SPATA17: variants seen among roughly 807,000 people sequenced by gnomAD.
The protein encoded by SPATA17 is spermatogenesis associated 17.
Under a neutral mutation model 62.2 loss-of-function variants are expected in SPATA17, and 53 were observed. The observed-to-expected ratio is 0.85, with a 90% confidence interval of 0.68 to 1.07. The LOEUF is 1.07. Ranked by LOEUF, SPATA17 falls within the 50% of genes least tolerant of loss-of-function variation. The pLI is 0.00. For synonymous variants in SPATA17, 146 were observed against 146.8 expected (o/e 0.99, Z 0.04); for missense variants, 466 against 425.5 (o/e 1.10, Z -0.84).
intron 9 of SPATA17, among the ~76,000 whole-genome samples, chr1:217,803,411 G>A (rs150930711): frequency 0.017 from 2,598 of 152,216 alleles, 42 homozygotes; most frequent in Non-Finnish European, 0.026. Flanking sequence ...ATGCAATAAT[G>A]TTTCAGCATA....
At chr1:217,779,758 A>C (rs1272015530) in intron 7 of SPATA17, among the ~76,000 whole-genome samples, 1 of 152,090 alleles carries the variant, frequency 6.6e-6, no homozygotes, top group Admixed American at 6.6e-5. Context: ...ATTTAAGATT[A>C]TGCCCAAATG....
intron 9 of SPATA17, among the ~76,000 whole-genome samples, chr1:217,848,417 G>C (rs1303282645): frequency 6.6e-6 from 1 of 152,024 alleles, no homozygotes. Context: ...TCTTGAGTAA[G>C]CAAATATTCA....
intron 9 of SPATA17, among the ~76,000 whole-genome samples, chr1:217,839,653 G>T (rs538950902): frequency 6.6e-6 from 1 of 151,510 alleles, no homozygotes; most frequent in Non-Finnish European, 1.5e-5. Flanking sequence ...AATAAAATTT[G>T]ATACACTGTT....
At chr1:217,851,960 G>T (rs528212416) in intron 9 of SPATA17, among the ~76,000 whole-genome samples, 1 of 152,186 alleles carries the variant, frequency 6.6e-6, no homozygotes, top group South Asian at 2.1e-4. Flanking sequence ...TTTTCAGGAG[G>T]TAATTAGAAA....
rs1325189182 is a variant in SPATA17 at position 217,712,073 on chromosome 1, A to T, written c.395+28712A>T. 2.0e-5 allele frequency among the ~76,000 whole-genome samples: 3 copies of T among 149,430 alleles called. No individual in the cohort carries two copies. In the East Asian group the frequency reaches 5.8e-4, roughly 29 times the overall value. On this transcript the variant is annotated intron_variant, in intron 5 of 10. Coordinates refer to ENST00000366933, the MANE Select transcript of SPATA17 (RefSeq NM_138796.4). Reference sequence around the variant, plus strand: ...TCTCAGAATTATTAATTTTATGGGCATTTTACATTCAGTGTACTGAGCAGT... The same window carrying T: ...TCTCAGAATTATTAATTTTATGGGCTTTTTACATTCAGTGTACTGAGCAGT...
chr1:217,816,010 A>G (rs1674705151), intron 9 of SPATA17, among the ~76,000 whole-genome samples: 1 of 152,118 alleles, frequency 6.6e-6, no homozygotes, highest in African/African-American at 2.4e-5. Context: ...ACAAAAAAGT[A>G]CCTTATTCCA....
chr1:217,852,410 A>G (rs968194499), intron 9 of SPATA17, among the ~76,000 whole-genome samples: 7 of 152,214 alleles, frequency 4.6e-5, no homozygotes, highest in African/African-American at 1.7e-4. Flanking sequence ...TGGGCTAGGT[A>G]TCATTCACTG....
intron 8 of SPATA17, among the ~76,000 whole-genome samples, chr1:217,784,286 T>C (rs1357878803): frequency 1.3e-5 from 2 of 152,246 alleles, no homozygotes; most frequent in East Asian, 3.9e-4. Context: ...AAACCAACTT[T>C]ACCTATAAGG....
intron 9 of SPATA17, among the ~76,000 whole-genome samples, chr1:217,811,266 C>T (rs1015860598): frequency 4.0e-5 from 6 of 151,896 alleles, no homozygotes; most frequent in Admixed American, 2.0e-4. Flanking sequence ...ACTCCTGGCT[C>T]GAACTCAAGC....
intron 5 of SPATA17, among the ~76,000 whole-genome samples, chr1:217,735,867 C>T (rs1170811343): frequency 6.6e-6 from 1 of 151,652 alleles, no homozygotes; most frequent in East Asian, 1.9e-4. Context: ...GTGAACAAAG[C>T]ATTTAATGAG....
intron 4 of SPATA17, among the ~76,000 whole-genome samples, chr1:217,672,272 A>T (rs111342300): frequency 0.011 from 1,724 of 152,332 alleles, 26 homozygotes; most frequent in African/African-American, 0.033. Context: ...CTACCTGGTA[A>T]CTTAGTTCAA....
intron 9 of SPATA17, among the ~76,000 whole-genome samples, chr1:217,814,919 C>T (rs1180125757): frequency 6.6e-6 from 1 of 152,112 alleles, no homozygotes. Context: ...TGCATTGTTA[C>T]TCATCTAGAA....
At position 217,870,639 on chromosome 1, in the gene SPATA17, T is replaced by G. The variant is rs1571852693; in HGVS notation, c.*3620T>G. 1 of 152,312 alleles carries G rather than the reference T, an allele frequency of 6.6e-6. No individual in the cohort carries two copies. The highest frequency in any genetic ancestry group is 2.1e-4 in the South Asian group (1 of 4,828). The allele number at this position is 152,312 out of a possible 1,614,324, so 9.4% of individuals were successfully genotyped here. ...CAAAGCTGGTAATTCCTTGATCTTA[T>G]TCTCCAAACTTGATTCTGAATGACT... On this transcript the variant is annotated 3_prime_UTR_variant, in exon 11 of 11. Transcript: ENST00000366933.
chr1:217,803,778 G>A lies in SPATA17; in HGVS notation c.1005+1928G>A, dbSNP rs1674369398. ...CATGCCTGTAATCCCAGCACTTTGG[G>A]AGGCCAAGGTGGGCAGATCACTTGA... is the stretch of plus-strand genomic sequence containing the variant. On this transcript the variant is annotated intron_variant, in intron 9 of 10. Transcript: ENST00000366933. Among the ~76,000 whole-genome samples, 3 of 152,282 alleles carry A rather than the reference G, an allele frequency of 2.0e-5. No homozygotes were observed. In the South Asian group the frequency reaches 6.2e-4, roughly 32 times the overall value.
rs1378323043 is a variant in SPATA17, at chr1:217,735,947, TTAATA to T, written c.396-6025_396-6021del. On this transcript the variant is annotated intron_variant, in intron 5 of 10. Transcript: ENST00000366933. ...TGTTACATAACATACATATTATATA[TTAATA>T]TATTTATTAGGATTATGAGTTTAGA... Among the ~76,000 whole-genome samples, 6 of 151,552 alleles carry T rather than the reference TTAATA, an allele frequency of 4.0e-5. No homozygotes were observed. In the East Asian group the frequency reaches 1.2e-3, roughly 29 times the overall value.
chr1:217,682,104 A>T (rs1457261270), intron 4 of SPATA17, among the ~76,000 whole-genome samples: 1 of 152,180 alleles, frequency 6.6e-6, no homozygotes, highest in African/African-American at 2.4e-5. Flanking sequence ...ACGCAAGACT[A>T]AGTTAGTATT....
At chr1:217,842,991 G>A (rs917760697) in intron 9 of SPATA17, among the ~76,000 whole-genome samples, 1 of 151,416 alleles carries the variant, frequency 6.6e-6, no homozygotes, top group Non-Finnish European at 1.5e-5. Flanking sequence ...TTGTTTAGAA[G>A]TATATTACTG....
At chr1:217,717,661 A>G (rs1672038385) in intron 5 of SPATA17, among the ~76,000 whole-genome samples, 1 of 151,978 alleles carries the variant, frequency 6.6e-6, no homozygotes, top group African/African-American at 2.4e-5. Flanking sequence ...TTTTTTTTAC[A>G]AATCCCATCT....
chr1:217,838,597 A>T (rs143179232), intron 9 of SPATA17, among the ~76,000 whole-genome samples: 1 of 152,082 alleles, frequency 6.6e-6, no homozygotes, highest in South Asian at 2.1e-4. Context: ...ATTGTTATAG[A>T]TATATACTAT....
Sources: gnomAD v4.1 joint callset for allele counts (sites outside exome capture counted in the v4.1 genomes callset) on GRCh38, gnomAD v4.1.1 for gene constraint, MANE v1.5 for transcripts, NCBI Gene and HGNC (gene_info 2026-07-23, HGNC 2026-07-21) for gene names.